Variants in MYO18B observed in about 807,000 individuals in gnomAD.
MYO18B encodes unconventional myosin-XVIIIb.
In MYO18B, 204 loss-of-function variants were observed where a neutral mutation model predicts 273.0. That is an observed-to-expected ratio of 0.75 (90% CI 0.67 to 0.84). The LOEUF (loss-of-function observed/expected upper bound fraction) is 0.84, where lower values mean the gene tolerates loss of function less well. Among genes scored for constraint, MYO18B ranks in the 40% least tolerant of loss-of-function variants. MYO18B has a pLI of 0.00. For missense variants in MYO18B, 3,212 were observed against 3,287.6 expected (o/e 0.98, Z 0.56); for synonymous variants, 1,330 against 1,305.7 (o/e 1.02, Z -0.40).
In MYO18B at chr22:25,864,060, G is replaced by A. The variant is rs546410192; in HGVS notation, c.3886-4260G>A. On this transcript the variant is annotated intron_variant, in intron 21 of 43. Transcript: ENST00000335473. ...ACTGTTTCTGACAATGCTCCCAGGT[G>A]TGGGTTTTTTCCATGCTTTGCTCCA... is the stretch of plus-strand genomic sequence containing the variant. Among the ~76,000 whole-genome samples, 23 of 152,290 alleles carry A rather than the reference G, an allele frequency of 1.5e-4. 2 individuals are homozygous for A. In the South Asian group the frequency reaches 4.8e-3, roughly 32 times the overall value.
At chr22:25,926,215 G>GA (rs112427721) in intron 34 of MYO18B, among the ~76,000 whole-genome samples, 38 of 148,666 alleles carry the variant, frequency 2.6e-4, no homozygotes, top group Middle Eastern at 3.5e-3. Context: ...AAAAAGAAAA[G>GA]AAAAAAAAAG....
At chr22:25,761,255 G>A (rs2086303667) in intron 2 of MYO18B, 124 bp downstream of exon 2, 1 of 1,092,990 alleles carries the variant, frequency 9.1e-7, no homozygotes, top group Middle Eastern at 2.2e-4. Flanking sequence ...AGTAGCATGT[G>A]CAATCCCACC....
chr22:25,804,336 C>T (rs1386153995), intron 12 of MYO18B, among the ~76,000 whole-genome samples: 4 of 152,196 alleles, frequency 2.6e-5, no homozygotes, highest in East Asian at 1.9e-4. Context: ...CAAGCTTCCA[C>T]GGAATAGGGG....
chr22:25,756,876 T>C (rs762898173), intron 1 of MYO18B, among the ~76,000 whole-genome samples: 7 of 151,848 alleles, frequency 4.6e-5, no homozygotes, highest in Non-Finnish European at 7.4e-5. Context: ...GCCTGGTCAA[T>C]ATGGCAAAAC....
At chr22:25,944,555 A>T (rs917650086) in intron 34 of MYO18B, among the ~76,000 whole-genome samples, 1 of 152,138 alleles carries the variant, frequency 6.6e-6, no homozygotes, top group Non-Finnish European at 1.5e-5. Flanking sequence ...AACATTATAA[A>T]TGAGCTGAGT....
intron 42 of MYO18B, among the ~76,000 whole-genome samples, chr22:26,017,423 T>C (rs2146971146): frequency 6.7e-6 from 1 of 150,374 alleles, no homozygotes; most frequent in South Asian, 2.2e-4. Flanking sequence ...TTCCTTCCCC[T>C]TATGAAAACA....
chr22:25,797,988 C>T lies in MYO18B; in HGVS notation c.2412C>T (p.Ala804=). Residue 804 remains alanine, a synonymous_variant, in exon 12 of 44, where the codon GCC becomes GCT. Coordinates refer to ENST00000335473, the MANE Select transcript of MYO18B (RefSeq NM_032608.7). ...EDKQKAAAAF[A]QLQGAMEMLG... Reference sequence around the variant, plus strand: ...AACAGAAGGCGGCAGCTGCCTTTGCCCAGCTCCAGGGTGCCATGGAGATGC... The same window carrying T: ...AACAGAAGGCGGCAGCTGCCTTTGCTCAGCTCCAGGGTGCCATGGAGATGC... The T allele has an allele frequency of 6.2e-7, 1 of 1,613,962 alleles. No homozygotes were observed.
intron 15 of MYO18B, among the ~76,000 whole-genome samples, chr22:25,831,704 A>C (rs1221132807): frequency 6.6e-6 from 1 of 152,140 alleles, no homozygotes; most frequent in African/African-American, 2.4e-5. Context: ...GATTGTGGCA[A>C]CTATTATTCC....
In MYO18B at chr22:25,977,913, C is replaced by T. The variant is rs565125187; in HGVS notation, c.6157-14450C>T. Among the ~76,000 whole-genome samples, 10 of 152,258 alleles carry T rather than the reference C, an allele frequency of 6.6e-5. No homozygotes were observed. In the South Asian group the frequency reaches 1.5e-3, roughly 22 times the overall value. ...GGGTGACAAGACTTGCTTGGGGTCA[C>T]GTTGCAAATGGTGGAGCTGGGTTGC... On this transcript the variant is annotated intron_variant, in intron 39 of 43. Coordinates refer to ENST00000335473, the MANE Select transcript of MYO18B (RefSeq NM_032608.7).
intron 39 of MYO18B, among the ~76,000 whole-genome samples, chr22:25,987,469 A>C (rs911400399): frequency 1.3e-5 from 2 of 152,186 alleles, no homozygotes; most frequent in Admixed American, 1.3e-4. Flanking sequence ...TATACACGAT[A>C]TATATATCCT....
At chr22:25,912,243 T>C (rs2092172453) in intron 33 of MYO18B, among the ~76,000 whole-genome samples, 1 of 152,174 alleles carries the variant, frequency 6.6e-6, no homozygotes, top group African/African-American at 2.4e-5. Context: ...TTCCTTCTTC[T>C]CTGGGTTTTC....
chr22:26,040,267 C>A, the MYO18B span, among the ~76,000 whole-genome samples: 1 of 152,114 alleles, frequency 6.6e-6, no homozygotes, highest in African/African-American at 2.4e-5. Context: ...GGTCCATGTC[C>A]GCCCTTAGGT....
intron 42 of MYO18B, among the ~76,000 whole-genome samples, chr22:26,018,020 G>T (rs1378059673): frequency 1.4e-5 from 2 of 143,366 alleles, no homozygotes; most frequent in African/African-American, 2.7e-5. Context: ...AGTTCCAGGG[G>T]TGACTTGAAT....
rs1174331239 is a variant in MYO18B at position 25,902,632 on chromosome 22, C to G, written c.4843C>G (p.Gln1615Glu). Residue 1615 changes from glutamine to glutamate, a missense_variant, in exon 30 of 44, where the codon CAG (glutamine) becomes GAG (glutamate). By Grantham distance (29) the Gln-to-Glu change is conservative (BLOSUM62 2). Coordinates refer to ENST00000335473, the MANE Select transcript of MYO18B (RefSeq NM_032608.7). ...GCACAGGTTTGACCTGCAGCTGGCCCAGGCCCTAGGTGAGTCAGTGTTTGA... is the reference window on the plus strand; with the variant it reads ...GCACAGGTTTGACCTGCAGCTGGCCGAGGCCCTAGGTGAGTCAGTGTTTGA... ...KQKKFDLQLA[Q>E]ALGESVFEKG... The G allele has an allele frequency of 1.2e-6, 2 of 1,606,856 alleles. No homozygotes were observed.
intron 8 of MYO18B, among the ~76,000 whole-genome samples, chr22:25,779,842 C>T (rs2087060646): frequency 6.6e-6 from 1 of 152,244 alleles, no homozygotes; most frequent in South Asian, 2.1e-4. Flanking sequence ...AGTACAGGTT[C>T]AGCCCAGCAA....
In MYO18B at chr22:25,868,425, T is replaced by C. The variant is rs966483616; in HGVS notation, c.3951+40T>C. ...TTTCTTACAACATTCGCCCATCACA[T>C]CAGGGACCCAGAGATGACCTGATTC... On this transcript the variant is annotated intron_variant, in intron 22 of 43. Transcript: ENST00000335473. 9 of 1,524,750 alleles carry C rather than the reference T, an allele frequency of 5.9e-6. No individual in the cohort carries two copies. The South Asian group carries it at 1.1e-4, about 18-fold the overall frequency. The allele number at this position is 1,524,750 out of a possible 1,614,324, so 94.5% of individuals were successfully genotyped here. A position where few individuals can be genotyped will look rare whatever the true frequency, so the allele number is the denominator to read the frequency against.
chr22:25,858,421 A>G (rs1460279968), intron 21 of MYO18B, among the ~76,000 whole-genome samples: 1 of 152,236 alleles, frequency 6.6e-6, no homozygotes, highest in Non-Finnish European at 1.5e-5. Flanking sequence ...CCTATTCCAT[A>G]GACACAGATT....
In MYO18B at chr22:26,027,015, A is replaced by G. The variant is rs1245948872; in HGVS notation, c.7041A>G (p.Gln2347=). The change falls in exon 43 of 44, where the codon CAA becomes CAG. Residue 2347 remains glutamine (Q), a synonymous_variant. Transcript: ENST00000335473. This position sits in a 1 kb window ranked among gnomAD's most constrained non-coding sequence, Gnocchi z 4.1. ...TACTCCCCGAAAAGTCGAAAACCCA[A>G]TTCAGTTCCTGCGAGTCCCTCTTAG... The part of the protein sequence containing the change: ...TTLLPEKSKT[Q]FSSCESLLES... 1 of 1,613,918 alleles carries G rather than the reference A, an allele frequency of 6.2e-7. No homozygotes were observed. Among genetic ancestry groups the G allele is most frequent in the African/African-American group, 1.3e-5 (1 of 75,038 alleles).
rs1569158452 is a variant in MYO18B at position 25,891,428 on chromosome 22, C to CTTCCAG, written c.4543+16_4543+17insTTCCAG. ...ACTGGAGGAGGTGAGCAGCCTGGGA[C>CTTCCAG]CCTTGGGGCTGGAAGGTGATGGACA... On this transcript the variant is annotated intron_variant, in intron 27 of 43. Transcript: ENST00000335473. The CTTCCAG allele has an allele frequency of 6.7e-7, 1 of 1,502,896 alleles. No homozygotes were observed. Among genetic ancestry groups the CTTCCAG allele is most frequent in the Non-Finnish European group, 9.1e-7 (1 of 1,097,794 alleles). The allele number at this position is 1,502,896 out of a possible 1,614,324, so 93.1% of individuals were successfully genotyped here.
Sources: allele counts gnomAD v4.1 joint callset (sites outside exome capture counted in the v4.1 genomes callset), GRCh38; gene constraint gnomAD v4.1.1; non-coding constraint Gnocchi (gnomAD v3.1); transcripts MANE v1.5; gene names NCBI Gene and HGNC (gene_info 2026-07-23, HGNC 2026-07-21).